Variants in SRD5A2 observed in about 807,000 individuals in gnomAD.
SRD5A2 encodes steroid 5 alpha-reductase 2.
SRD5A2 carries 30 observed loss-of-function variants against 27.4 expected under a neutral mutation model. The observed-to-expected ratio is 1.10, with a 90% CI of 0.82 to 1.49. The LOEUF is 1.49. Ranked by LOEUF, SRD5A2 falls within the 40% of genes most tolerant of loss-of-function variation. The pLI, the probability that SRD5A2 is intolerant of heterozygous loss-of-function variation, is 0.00. For synonymous variants in SRD5A2, 141 were observed against 133.6 expected (o/e 1.06, Z -0.38); for missense variants, 348 against 323.4 (o/e 1.08, Z -0.58).
chr2:31,636,284 T>C, the SRD5A2 span, among the ~76,000 whole-genome samples: 1 of 152,126 alleles, frequency 6.6e-6, no homozygotes, highest in African/African-American at 2.4e-5. Flanking sequence ...AGGTATTTTA[T>C]ATTTTTATAG....
chr2:31,604,855 T>C, the SRD5A2 span, among the ~76,000 whole-genome samples: 1 of 151,926 alleles, frequency 6.6e-6, no homozygotes, highest in Non-Finnish European at 1.5e-5. Flanking sequence ...AAAGCTATCC[T>C]AAGCAAAAAG....
chr2:31,622,532 A>G, the SRD5A2 span, among the ~76,000 whole-genome samples: 1 of 152,114 alleles, frequency 6.6e-6, no homozygotes, highest in Admixed American at 6.6e-5. Flanking sequence ...CTTTTGAAGC[A>G]TTGTTTGTGC....
At chr2:31,595,599 G>A in the SRD5A2 span, among the ~76,000 whole-genome samples, 3 of 152,132 alleles carry the variant, frequency 2.0e-5, no homozygotes, top group Admixed American at 6.6e-5. Flanking sequence ...GGACCAGATG[G>A]ACTCACATGT....
chr2:31,553,805 T>A (rs1558366315), intron 1 of SRD5A2, among the ~76,000 whole-genome samples: 1 of 152,166 alleles, frequency 6.6e-6, no homozygotes, highest in Non-Finnish European at 1.5e-5. Context: ...CCTTACTGGA[T>A]GTCTGAACTA....
chr2:31,554,533 G>A (rs1330142472), intron 1 of SRD5A2, among the ~76,000 whole-genome samples: 4 of 152,160 alleles, frequency 2.6e-5, no homozygotes, highest in African/African-American at 9.7e-5. Context: ...GAAGCAGTTA[G>A]AGAAGAATCC....
intron 2 of SRD5A2, among the ~76,000 whole-genome samples, chr2:31,532,906 T>C (rs536197724): frequency 6.6e-6 from 1 of 152,030 alleles, no homozygotes; most frequent in African/African-American, 2.4e-5. Flanking sequence ...GGTAGGGAAC[T>C]AAATAAAGTG....
At chr2:31,661,188 C>T in the SRD5A2 span, among the ~76,000 whole-genome samples, 18 of 152,216 alleles carry the variant, frequency 1.2e-4, no homozygotes, top group Middle Eastern at 3.4e-3. Context: ...AAGATACCAC[C>T]GGAATCTGGC....
chr2:31,633,988 T>A, the SRD5A2 span, among the ~76,000 whole-genome samples: 1 of 151,738 alleles, frequency 6.6e-6, no homozygotes, highest in Non-Finnish European at 1.5e-5. Flanking sequence ...AAACAGGAGG[T>A]AAAGAAATAG....
the SRD5A2 span, among the ~76,000 whole-genome samples, chr2:31,608,311 AT>A: frequency 1.3e-5 from 2 of 152,118 alleles, no homozygotes; most frequent in South Asian, 4.1e-4. Context: ...AAAGTTATGA[AT>A]GTATATTGAA....
the SRD5A2 span, among the ~76,000 whole-genome samples, chr2:31,602,264 A>G: frequency 6.6e-6 from 1 of 152,096 alleles, no homozygotes; most frequent in South Asian, 2.1e-4. Flanking sequence ...CCTATACACC[A>G]ACAACAGGCA....
chr2:31,616,200 T>C, the SRD5A2 span, among the ~76,000 whole-genome samples: 1 of 151,722 alleles, frequency 6.6e-6, no homozygotes, highest in African/African-American at 2.4e-5. Flanking sequence ...GCTACAGGGG[T>C]GGGACCCTCA....
chr2:31,583,881 C>G (rs1296229434), upstream of SRD5A2, among the ~76,000 whole-genome samples: 1 of 152,020 alleles, frequency 6.6e-6, no homozygotes, highest in East Asian at 1.9e-4. Flanking sequence ...CATGGAGAAG[C>G]ACCAGTGTTA....
At chr2:31,589,732 C>T in the SRD5A2 span, among the ~76,000 whole-genome samples, 2 of 152,084 alleles carry the variant, frequency 1.3e-5, no homozygotes, top group African/African-American at 4.8e-5. Flanking sequence ...ACGAATTTTC[C>T]TGTGCAGAAA....
chr2:31,660,473 C>G, the SRD5A2 span, among the ~76,000 whole-genome samples: 2 of 152,020 alleles, frequency 1.3e-5, no homozygotes, highest in Non-Finnish European at 1.5e-5. Context: ...TACATTTGTC[C>G]AAACCCATAG....
At chr2:31,606,856 T>G in the SRD5A2 span, among the ~76,000 whole-genome samples, 1 of 151,950 alleles carries the variant, frequency 6.6e-6, no homozygotes, top group Non-Finnish European at 1.5e-5. Context: ...AAATTTATTT[T>G]CTAACAGTTC....
At chr2:31,548,425 G>A (rs759729182) in intron 1 of SRD5A2, among the ~76,000 whole-genome samples, 17 of 152,186 alleles carry the variant, frequency 1.1e-4, no homozygotes, top group Admixed American at 2.0e-4. Flanking sequence ...CAATGGACTC[G>A]AATAAATGTC....
chr2:31,552,956 C>A (rs1010833394), intron 1 of SRD5A2, among the ~76,000 whole-genome samples: 1 of 151,632 alleles, frequency 6.6e-6, no homozygotes. Context: ...AGATGCCTGA[C>A]AAAGAATTCA....
At chr2:31,574,087 C>T (rs1666904902) in intron 1 of SRD5A2, among the ~76,000 whole-genome samples, 2 of 152,224 alleles carry the variant, frequency 1.3e-5, no homozygotes, top group Admixed American at 6.5e-5. Flanking sequence ...GTTCAGTGGC[C>T]TGGCGGGGGC....
At chr2:31,640,526 C>T in the SRD5A2 span, among the ~76,000 whole-genome samples, 5 of 152,166 alleles carry the variant, frequency 3.3e-5, no homozygotes, top group East Asian at 9.6e-4. Flanking sequence ...TATGTCTCTG[C>T]CTCCTGTTCA....
Sources: gnomAD v4.1 joint callset for allele counts (sites outside exome capture counted in the v4.1 genomes callset) on GRCh38, gnomAD v4.1.1 for gene constraint, MANE v1.5 for transcripts, NCBI Gene and HGNC (gene_info 2026-07-23, HGNC 2026-07-21) for gene names.